The following GABBR2 variants were observed in gnomAD, a reference collection of about 807,000 sequenced individuals.
GABBR2 encodes the protein gamma-aminobutyric acid type B receptor subunit 2, also known as G-protein coupled receptor 51.
In GABBR2, 23 loss-of-function variants were observed where a neutral mutation model predicts 105.6. The observed-to-expected ratio is 0.22, with a 90% CI of 0.16 to 0.31. The LOEUF (loss-of-function observed/expected upper bound fraction) is 0.31. GABBR2 is among the 10% of genes least tolerant of loss of function. The pLI is 1.00. For synonymous variants in GABBR2, 478 were observed against 499.7 expected (o/e 0.96, Z 0.58); for missense variants, 734 against 1,245.5 (o/e 0.59, Z 6.18).
rs756391068 is a variant in GABBR2, at chr9:98,311,175, G to A, written c.1924C>T (p.Arg642Cys). The change falls in exon 14 of 19, where the codon CGC (arginine) becomes TGC (cysteine). Residue 642 changes from arginine to cysteine, a missense_variant. Coordinates refer to ENST00000259455, the MANE Select transcript of GABBR2 (RefSeq NM_005458.8). ...TTCTCACAGTGCTCCAGGAGAGGGC[G>A]GATGGAGATATCCCGTCCTGCTGGG... ...PDPAGRDISIRPLLEHCENTH... is the reference protein window; with the variant it reads ...PDPAGRDISICPLLEHCENTH... 33 of 1,613,358 alleles carry A rather than the reference G, an allele frequency of 2.0e-5. No homozygotes were observed. The Admixed American group carries it at 2.2e-4, about 11-fold the overall frequency.
At chr9:98,610,089 A>G (rs1829483228) in intron 1 of GABBR2, among the ~76,000 whole-genome samples, 1 of 152,140 alleles carries the variant, frequency 6.6e-6, no homozygotes, top group African/African-American at 2.4e-5. Context: ...CAGATGCCTC[A>G]TTTCAGTGAA....
At chr9:98,387,686 G>T (rs1200250640) in intron 10 of GABBR2, among the ~76,000 whole-genome samples, 1 of 152,046 alleles carries the variant, frequency 6.6e-6, no homozygotes, top group African/African-American at 2.4e-5. Flanking sequence ...CAGCAACTTG[G>T]GAGGCTGAGG....
chr9:98,318,575 A>G (rs1378495573), intron 13 of GABBR2, among the ~76,000 whole-genome samples: 2 of 152,124 alleles, frequency 1.3e-5, no homozygotes, highest in Non-Finnish European at 2.9e-5. Context: ...GATGGTGCAC[A>G]TGAGGAGGGC....
chr9:98,350,930 G>A (rs1159706928), intron 13 of GABBR2, among the ~76,000 whole-genome samples: 1 of 152,084 alleles, frequency 6.6e-6, no homozygotes, highest in African/African-American at 2.4e-5. Context: ...GGCATTGGGT[G>A]CATATTCACA....
chr9:98,481,486 C>G (rs946636874), intron 4 of GABBR2, among the ~76,000 whole-genome samples: 2 of 152,204 alleles, frequency 1.3e-5, no homozygotes, highest in African/African-American at 4.8e-5. Context: ...GCACAGTGTT[C>G]TAGCCCTTTC....
chr9:98,369,975 T>G (rs1035353085), intron 12 of GABBR2, among the ~76,000 whole-genome samples: 2 of 152,090 alleles, frequency 1.3e-5, no homozygotes, highest in African/African-American at 4.8e-5. Context: ...GGTGGCTTGA[T>G]AGGAGTCTTT....
chr9:98,642,545 C>T (rs1369125500), intron 1 of GABBR2, among the ~76,000 whole-genome samples: 2 of 152,218 alleles, frequency 1.3e-5, no homozygotes, highest in Non-Finnish European at 2.9e-5. Flanking sequence ...CTGGTCTAAC[C>T]TAGCTTTCTT....
intron 1 of GABBR2, among the ~76,000 whole-genome samples, chr9:98,651,796 C>T (rs1423224291): frequency 1.3e-5 from 2 of 152,110 alleles, no homozygotes; most frequent in Non-Finnish European, 2.9e-5. Flanking sequence ...GGGCCTGATT[C>T]AAAAACAAAC....
chr9:98,470,228 G>C (rs992668653), intron 6 of GABBR2, among the ~76,000 whole-genome samples: 4 of 152,148 alleles, frequency 2.6e-5, no homozygotes, highest in African/African-American at 9.7e-5. Flanking sequence ...AAAAAATCTT[G>C]GTAATTGTGT....
intron 1 of GABBR2, among the ~76,000 whole-genome samples, chr9:98,599,838 TGCC>T (rs1408279897): frequency 4.6e-5 from 7 of 152,176 alleles, no homozygotes; most frequent in African/African-American, 1.7e-4. Context: ...GAGGTAGGAA[TGCC>T]AGGGAGAGAT....
chr9:98,380,189 C>T (rs970375613), intron 11 of GABBR2, among the ~76,000 whole-genome samples: 1 of 152,196 alleles, frequency 6.6e-6, no homozygotes, highest in Non-Finnish European at 1.5e-5. Flanking sequence ...CTGCCCCTGG[C>T]TGAAAGCTGG....
chr9:98,481,717 T>C (rs1289630308), intron 4 of GABBR2, among the ~76,000 whole-genome samples: 5 of 152,234 alleles, frequency 3.3e-5, no homozygotes, highest in African/African-American at 1.2e-4. Flanking sequence ...GAAGACTAAG[T>C]GAAATAGTCC....
At chr9:98,634,686 T>C (rs1829855180) in intron 1 of GABBR2, among the ~76,000 whole-genome samples, 1 of 152,176 alleles carries the variant, frequency 6.6e-6, no homozygotes. Context: ...TTCTATTGTT[T>C]TAAGCCACCC....
At chr9:98,416,868 T>G (rs985520736) in intron 7 of GABBR2, among the ~76,000 whole-genome samples, 1 of 152,202 alleles carries the variant, frequency 6.6e-6, no homozygotes, top group Non-Finnish European at 1.5e-5. Flanking sequence ...TCCCCTCTGT[T>G]TGAAATGCCT....
At chr9:98,314,042 G>A (rs769298547) in intron 13 of GABBR2, among the ~76,000 whole-genome samples, 8 of 152,160 alleles carry the variant, frequency 5.3e-5, no homozygotes, top group Non-Finnish European at 1.0e-4. Context: ...GAAAGCCTTA[G>A]CTCAACCTCT....
chr9:98,577,228 A>ATGGATGGATGGTTAG (rs769775744), intron 2 of GABBR2, among the ~76,000 whole-genome samples: 7 of 151,208 alleles, frequency 4.6e-5, no homozygotes, highest in African/African-American at 4.9e-5. Flanking sequence ...GGATGGATGG[A>ATGGATGGATGGTTAG]GCAAAAAAGT....
At chr9:98,591,921 G>T (rs1029868889) in intron 1 of GABBR2, among the ~76,000 whole-genome samples, 5 of 152,230 alleles carry the variant, frequency 3.3e-5, no homozygotes, top group Admixed American at 2.0e-4. Flanking sequence ...AGCAGAGTTT[G>T]CAAAGCAAAG....
rs5010004 is a variant in GABBR2, at chr9:98,290,794, C to G, written c.2661-45G>C. The G allele has an allele frequency of 0.27, 366,702 of 1,377,426 alleles. 51,868 individuals carry two copies. Among genetic ancestry groups the G allele is most frequent in the African/African-American group, 0.53 (34,770 of 65,656 alleles). The allele number at this position is 1,377,426 out of a possible 1,614,324, so 85.3% of individuals were successfully genotyped here. ...GGAGTGTTAGTGAAGGGTAGCTGGG[C>G]GCTTACCAGAAAGTTCCTTGGACTT... On this transcript the variant is annotated intron_variant, in intron 18 of 18. Coordinates refer to ENST00000259455, the MANE Select transcript of GABBR2 (RefSeq NM_005458.8).
intron 1 of GABBR2, among the ~76,000 whole-genome samples, chr9:98,678,121 A>C (rs1478163606): frequency 6.6e-6 from 1 of 152,168 alleles, no homozygotes; most frequent in Non-Finnish European, 1.5e-5. Flanking sequence ...TAAATGGTTA[A>C]TATTTGTTGA....
Sources: gnomAD v4.1 joint callset for allele counts (sites outside exome capture counted in the v4.1 genomes callset) on GRCh38, gnomAD v4.1.1 for gene constraint, MANE v1.5 for transcripts, NCBI Gene and HGNC (gene_info 2026-07-23, HGNC 2026-07-21) for gene names.